BRAT1: variants seen among roughly 807,000 people sequenced by gnomAD.
The protein encoded by BRAT1 is BRCA1 associated ATM activator 1.
In BRAT1, 74 loss-of-function variants were observed where a neutral mutation model predicts 70.6. That is an observed-to-expected ratio of 1.05 (90% CI 0.87 to 1.27). The LOEUF (loss-of-function observed/expected upper bound fraction) is 1.27, where lower values mean the gene tolerates loss of function less well. BRAT1 is among the 50% of genes most tolerant of loss of function. The pLI is 0.00. For synonymous variants in BRAT1, 615 were observed against 517.1 expected (o/e 1.19, Z -2.57); for missense variants, 1,203 against 1,098.2 (o/e 1.10, Z -1.35).
intron 2 of BRAT1, among the ~76,000 whole-genome samples, chr7:2,550,080 T>C (rs552373037): frequency 6.6e-6 from 1 of 151,630 alleles, no homozygotes; most frequent in South Asian, 2.1e-4. Context: ...GGAGGATCAC[T>C]TGAGCCCAGG....
At chr7:2,553,439 A>AT (rs549417942) in intron 2 of BRAT1, among the ~76,000 whole-genome samples, 126 of 152,230 alleles carry the variant, frequency 8.3e-4, no homozygotes, top group Middle Eastern at 6.3e-3. Context: ...AGTCAATAAC[A>AT]TTAACATATT....
In BRAT1 at chr7:2,538,062, G is replaced by T; in HGVS notation, c.*7C>A. ...TCCTGAGCCCCAGTGGCAGACTCTG[G>T]TTCTGCTCAGTAGCAGTCGGCCTCG... On this transcript the variant is annotated 3_prime_UTR_variant, in exon 14 of 14. Transcript: ENST00000340611. 1.9e-6 allele frequency: 3 copies of T among 1,547,754 alleles called. No individual in the cohort carries two copies. The highest frequency in any genetic ancestry group is 1.8e-6 in the Non-Finnish European group (2 of 1,142,134).
In BRAT1 at chr7:2,539,832, G is replaced by C. The variant is rs1779007081; in HGVS notation, c.1452C>G (p.Thr484=). ...GGGGGCCGAGATCAGAGCAGCCGGG[G>C]GTCTTGGGTGAGCTCAGGAGCCACC... The part of the protein sequence containing the change: ...TLRWLLSSPK[T]PGCSDLGPLI... Residue 484 remains threonine, a synonymous_variant, in exon 11 of 14, where the codon ACC becomes ACG. Transcript: ENST00000340611. 6.2e-7 allele frequency: 1 copy of C among 1,609,888 alleles called. No individual in the cohort carries two copies.
At position 2,541,656 on chromosome 7, in the gene BRAT1, C is replaced by T. The variant is rs912827402; in HGVS notation, c.1134+62G>A. 26 of 1,524,378 alleles carry T rather than the reference C, an allele frequency of 1.7e-5. No homozygotes were observed. The Middle Eastern group carries it at 6.3e-4, about 37-fold the overall frequency. 94.4% of individuals were successfully genotyped at this position (1,524,378 alleles called of 1,614,324 possible). On this transcript the variant is annotated intron_variant, in intron 8 of 13. Transcript: ENST00000340611. Reference sequence around the variant, plus strand: ...GCAAGGGGTGGGGGGCGTCAGCCTACGTTGCGGTCCCACCGCCAGCGTGGA... The same window carrying T: ...GCAAGGGGTGGGGGGCGTCAGCCTATGTTGCGGTCCCACCGCCAGCGTGGA...
At chr7:2,545,487 TTTC>T (rs200027603) in intron 3 of BRAT1, among the ~76,000 whole-genome samples, 11 of 121,262 alleles carry the variant, frequency 9.1e-5, no homozygotes, top group East Asian at 2.4e-4. Context: ...TGGAGGACAC[TTTC>T]TTCTTCTTTT....
chr7:2,551,749 C>T (rs1780022046), intron 2 of BRAT1, among the ~76,000 whole-genome samples: 1 of 150,620 alleles, frequency 6.6e-6, no homozygotes, highest in African/African-American at 2.4e-5. Flanking sequence ...CCTTCAAATA[C>T]CAAAACATCA....
intron 1 of BRAT1, among the ~76,000 whole-genome samples, chr7:2,555,037 G>A (rs571284257): frequency 2.0e-5 from 3 of 150,224 alleles, no homozygotes; most frequent in South Asian, 2.1e-4. Context: ...AGGGGAAGGG[G>A]CACCTGTCCG....
chr7:2,539,923 A>G, intron 10 of BRAT1, 35 bp from the exon 11 acceptor site: 1 of 1,418,886 alleles, frequency 7.0e-7, no homozygotes, highest in Admixed American at 2.6e-5. Context: ...GGGCCACGGG[A>G]GACGGAGGGG....
At chr7:2,548,093 CAA>C (rs57069903) in intron 2 of BRAT1, among the ~76,000 whole-genome samples, 202 of 98,822 alleles carry the variant, frequency 2.0e-3, no homozygotes, top group African/African-American at 5.2e-3. Flanking sequence ...GACTCCATTC[CAA>C]AAAAAAAAAA....
intron 3 of BRAT1, 144 bp from the exon 4 acceptor site, chr7:2,545,200 C>T: frequency 1.1e-6 from 1 of 947,434 alleles, no homozygotes; most frequent in South Asian, 1.9e-5. Flanking sequence ...CCCATCTCTA[C>T]TAGAAATACA....
intron 4 of BRAT1, chr7:2,544,340 T>C (rs981111456): frequency 2.7e-5 from 5 of 184,148 alleles, no homozygotes; most frequent in Non-Finnish European, 3.4e-5. Context: ...GTAGCTGGGA[T>C]TACAGGCACC....
At chr7:2,549,477 G>A (rs1206088989) in intron 2 of BRAT1, among the ~76,000 whole-genome samples, 1 of 150,386 alleles carries the variant, frequency 6.6e-6, no homozygotes, top group Admixed American at 6.6e-5. Context: ...CTAAAAAGAA[G>A]AACATAAATA....
intron 4 of BRAT1, 151 bp from the exon 5 acceptor site, chr7:2,544,113 C>T (rs1264507929): frequency 1.8e-6 from 1 of 567,864 alleles, no homozygotes; most frequent in Non-Finnish European, 2.9e-6. Flanking sequence ...AGAACAGGAA[C>T]TGAAGCTCCC....
chr7:2,539,582 G>A lies in BRAT1; in HGVS notation c.1559C>T (p.Ala520Val). The change falls in exon 12 of 14, where the codon GCC (alanine) becomes GTC (valine). Residue 520 changes from alanine (A) to valine (V), a missense_variant. Physicochemically the swap from Ala to Val is moderately conservative, Grantham distance 64 (BLOSUM62 0). Coordinates refer to ENST00000340611, the MANE Select transcript of BRAT1 (RefSeq NM_152743.4). ...GCTCAGCTGGGTCAGGAACTCGAGG[G>A]CGGAGTCCCTCACCTCCCAGCAGGG... The part of the protein sequence containing the change: ...CHPCWEVRDS[A>V]LEFLTQLSRH... 1 of 1,585,714 alleles carries A rather than the reference G, an allele frequency of 6.3e-7. No homozygotes were observed. Among genetic ancestry groups the A allele is most frequent in the Non-Finnish European group, 8.6e-7 (1 of 1,165,398 alleles).
Position 2,541,952 on chromosome 7 carries a change from G to A in BRAT1, c.1016-116C>T, listed in dbSNP as rs554747074. 2.0e-4 allele frequency: 260 copies of A among 1,271,120 alleles called. 1 individual carries two copies. The highest frequency in any genetic ancestry group is 1.7e-3 in the Middle Eastern group (8 of 4,584). 78.7% of individuals were successfully genotyped at this position (1,271,120 alleles called of 1,614,324 possible). A position where few individuals can be genotyped will look rare whatever the true frequency, so the allele number is the denominator to read the frequency against. Reference sequence around the variant, plus strand: ...GCCAGGACCTAGGTGCAGAGCAGCAGCTCACCAGGGGAGATGGCCATGTCC... The same window carrying A: ...GCCAGGACCTAGGTGCAGAGCAGCAACTCACCAGGGGAGATGGCCATGTCC... On this transcript the variant is annotated intron_variant, in intron 7 of 13. Transcript: ENST00000340611.
chr7:2,555,263 G>A (rs975477981), intron 1 of BRAT1, among the ~76,000 whole-genome samples: 4 of 152,118 alleles, frequency 2.6e-5, no homozygotes, highest in African/African-American at 9.7e-5. Context: ...CCGGGAAGAG[G>A]AACCCTCCCC....
rs913159579 is a variant in BRAT1 at position 2,539,824 on chromosome 7, C to T, written c.1460G>A (p.Cys487Tyr). ...WLLSSPKTPG[C>Y]SDLGPLIPQF... ...CGGGATGAGGGGGCCGAGATCAGAG[C>T]AGCCGGGGGTCTTGGGTGAGCTCAG... Residue 487 changes from cysteine to tyrosine, a missense_variant, in exon 11 of 14, where the codon TGC becomes TAC. Cys to Tyr is a radical substitution (Grantham distance 194). Coordinates refer to ENST00000340611, the MANE Select transcript of BRAT1 (RefSeq NM_152743.4). The T allele has an allele frequency of 3.7e-6, 6 of 1,611,110 alleles. No homozygotes were observed. The highest frequency in any genetic ancestry group is 4.5e-5 in the East Asian group (2 of 44,798).
rs35659709 is a variant in BRAT1 at position 2,541,442 on chromosome 7, C to T, written c.1177G>A (p.Ala393Thr). The change falls in exon 9 of 14, where the codon GCT becomes ACT. Residue 393 changes from alanine to threonine, a missense_variant. Coordinates refer to ENST00000340611, the MANE Select transcript of BRAT1 (RefSeq NM_152743.4). ...CAGAGCCGCAGGACAGTCACTGTAG[C>T]CCCCAGTAGAGACGCCTGGGGCCAC... ...SPWPQASLLG[A>T]TVTVLRLCDG... 117 of 1,573,444 alleles carry T rather than the reference C, an allele frequency of 7.4e-5. No individual in the cohort carries two copies. Among genetic ancestry groups the T allele is most frequent in the East Asian group, 1.9e-4 (8 of 43,066 alleles).
intron 6 of BRAT1, 125 bp from the exon 7 acceptor site, chr7:2,542,336 C>T (rs1307621843): frequency 1.3e-6 from 1 of 788,884 alleles, no homozygotes; most frequent in African/African-American, 1.7e-5. Flanking sequence ...GAGAAACATT[C>T]TCTGCAGGCC....
Sources: gnomAD v4.1 joint callset for allele counts (sites outside exome capture counted in the v4.1 genomes callset) on GRCh38, gnomAD v4.1.1 for gene constraint, MANE v1.5 for transcripts, NCBI Gene and HGNC (gene_info 2026-07-23, HGNC 2026-07-21) for gene names.